The following DAGLA variants were observed in gnomAD, a reference collection of about 807,000 sequenced individuals.
The protein encoded by DAGLA is diacylglycerol lipase-alpha.
In DAGLA, 22 loss-of-function variants were observed where a neutral mutation model predicts 102.6. The ratio of observed to expected loss-of-function variants is 0.21; its 90% CI spans 0.15 to 0.31. DAGLA has a LOEUF of 0.31. Ranked by LOEUF, DAGLA falls within the 10% of genes least tolerant of loss-of-function variation. The pLI is 1.00. For missense variants in DAGLA, 927 were observed against 1,446.6 expected, an observed-to-expected ratio of 0.64 and a Z score of 5.83; for synonymous variants, 578 against 628.9, an observed-to-expected ratio of 0.92 and a Z score of 1.21.
Position 61,716,024 on chromosome 11 carries a change from G to A in DAGLA, c.-44-4088G>A, listed in dbSNP as rs140251114. Reference sequence around the variant, plus strand: ...GCCTGACAGTCAGGAAGGGAGGGACGTTTCCCCAGAAGGGAAGGGTGTGAG... The same window carrying A: ...GCCTGACAGTCAGGAAGGGAGGGACATTTCCCCAGAAGGGAAGGGTGTGAG... On this transcript the variant is annotated intron_variant, in intron 1 of 19. Coordinates refer to ENST00000257215, the MANE Select transcript of DAGLA (RefSeq NM_006133.3). Among the ~76,000 whole-genome samples, 15 of 152,312 alleles carry A rather than the reference G, an allele frequency of 9.8e-5. No homozygotes were observed. The East Asian group carries it at 2.9e-3, about 29-fold the overall frequency.
rs1399521182 is a variant in DAGLA at position 61,684,485 on chromosome 11, T to C, written c.-45+3981T>C. On this transcript the variant is annotated intron_variant, in intron 1 of 19. Transcript: ENST00000257215. The surrounding 1 kb of genome is among the most constrained non-coding windows in gnomAD (Gnocchi z 4.5). ...GCGTGAGTGTGGGTGTGGACGTGGGTTGTGTGTGTGGGCAGGAAAGACCCA... is the reference window on the plus strand; with the variant it reads ...GCGTGAGTGTGGGTGTGGACGTGGGCTGTGTGTGTGGGCAGGAAAGACCCA... Among the ~76,000 whole-genome samples the C allele has an allele frequency of 6.6e-6, 1 of 151,640 alleles. No individual in the cohort carries two copies. Among genetic ancestry groups the C allele is most frequent in the Non-Finnish European group, 1.5e-5 (1 of 67,924 alleles).
Position 61,741,197 on chromosome 11 carries a change from G to A in DAGLA, c.2019G>A (p.Leu673=). 1.9e-6 allele frequency: 3 copies of A among 1,613,532 alleles called. No individual in the cohort carries two copies. The highest frequency in any genetic ancestry group is 2.5e-6 in the Non-Finnish European group (3 of 1,180,004). ...ACTACAACAAGGGGAAGACCGCTCT[G>A]CTCTCTGCAGCCAAGGTCATGGTGA... ...LENYNKGKTA[L]LSAAKVMVSP... Residue 673 remains leucine (L), a synonymous_variant, in exon 19 of 20, where the codon CTG becomes CTA. Transcript: ENST00000257215.
At chr11:61,689,100 C>A (rs568594718) in intron 1 of DAGLA, among the ~76,000 whole-genome samples, 1 of 152,382 alleles carries the variant, frequency 6.6e-6, no homozygotes, top group South Asian at 2.1e-4. Flanking sequence ...CTTCTGCGGG[C>A]CGGGATTACA....
intron 5 of DAGLA, among the ~76,000 whole-genome samples, chr11:61,724,693 G>T (rs2065310070): frequency 6.6e-6 from 1 of 152,200 alleles, no homozygotes; most frequent in Non-Finnish European, 1.5e-5. Context: ...AGCCCAAAAT[G>T]TCAGGTCTGG....
rs761898720 is a variant in DAGLA, at chr11:61,726,100, G to A, written c.636+18G>A. ...CCCAGTCAGTAAGTACTGGGAGGTC[G>A]CTCCCCTCTGGCTCACATCCTGTGG... On this transcript the variant is annotated intron_variant, in intron 6 of 19. Transcript: ENST00000257215. 1.4e-5 allele frequency: 22 copies of A among 1,603,518 alleles called. No homozygotes were observed. The highest frequency in any genetic ancestry group is 1.7e-5 in the Admixed American group (1 of 60,018).
At chr11:61,720,382 G>A in intron 2 of DAGLA, 132 bp downstream of exon 2, 1 of 895,626 alleles carries the variant, frequency 1.1e-6, no homozygotes. Context: ...GCCCGGAGGA[G>A]GTGCCTGAAA....
intron 1 of DAGLA, among the ~76,000 whole-genome samples, chr11:61,697,385 T>G (rs1365459369): frequency 6.6e-6 from 1 of 152,136 alleles, no homozygotes; most frequent in Non-Finnish European, 1.5e-5. Context: ...CAGCATTACC[T>G]CAGTCCTCGG....
chr11:61,695,508 G>A (rs2065058022), intron 1 of DAGLA, among the ~76,000 whole-genome samples: 1 of 152,126 alleles, frequency 6.6e-6, no homozygotes, highest in Non-Finnish European at 1.5e-5. Context: ...CTTCTTGTCT[G>A]GGAGCTTTCA....
At chr11:61,728,071 C>G in intron 6 of DAGLA, 82 bp from the exon 7 acceptor site, 1 of 1,534,162 alleles carries the variant, frequency 6.5e-7, no homozygotes. Flanking sequence ...TGCAGCCTCC[C>G]AGCCCTGGGG....
chr11:61,746,520 C>G lies in DAGLA; in HGVS notation c.*2031C>G, dbSNP rs1461415017. ...GACCCCCCACCCCCAAGGCTGCAGCCACACCATGTTTCAGGCTTGGGGCTG... is the reference window on the plus strand; with the variant it reads ...GACCCCCCACCCCCAAGGCTGCAGCGACACCATGTTTCAGGCTTGGGGCTG... On this transcript the variant is annotated 3_prime_UTR_variant, in exon 20 of 20. Transcript: ENST00000257215. 1 of 152,610 alleles carries G rather than the reference C, an allele frequency of 6.6e-6. No homozygotes were observed. The highest frequency in any genetic ancestry group is 1.9e-4 in the East Asian group (1 of 5,288). The allele number at this position is 152,610 out of a possible 1,614,324, so 9.5% of individuals were successfully genotyped here.
chr11:61,731,431 C>G lies in DAGLA; in HGVS notation c.964C>G (p.Arg322Gly), dbSNP rs747581853. 2 of 1,613,510 alleles carry G rather than the reference C, an allele frequency of 1.2e-6. No individual in the cohort carries two copies. Among genetic ancestry groups the G allele is most frequent in the Non-Finnish European group, 1.7e-6 (2 of 1,179,998 alleles). ...KPACGLCQLA[R>G]SCSCCLCPAR... ...CGCCTGCGGCCTCTGCCAACTGGCT[C>G]GGTCCTGCTCGTGAGTACCCCTGTC... Residue 322 changes from arginine (R) to glycine (G), a missense_variant, in exon 9 of 20, where the codon CGG (arginine) becomes GGG (glycine). Physicochemically the swap from Arg to Gly is moderately radical, Grantham distance 125. Coordinates refer to ENST00000257215, the MANE Select transcript of DAGLA (RefSeq NM_006133.3).
At chr11:61,722,021 C>A (rs919414582) in intron 3 of DAGLA, among the ~76,000 whole-genome samples, 4 of 152,262 alleles carry the variant, frequency 2.6e-5, no homozygotes, top group African/African-American at 9.6e-5. Context: ...CCATACCCCT[C>A]CCCTCCAGTC....
intron 1 of DAGLA, among the ~76,000 whole-genome samples, chr11:61,685,441 A>AGAAT (rs1209411038): frequency 6.6e-6 from 1 of 152,212 alleles, no homozygotes; most frequent in Non-Finnish European, 1.5e-5. Flanking sequence ...TGGGATAGAC[A>AGAAT]GAATCTTGCA....
intron 1 of DAGLA, among the ~76,000 whole-genome samples, chr11:61,697,086 G>T (rs1451400505): frequency 6.6e-6 from 1 of 152,192 alleles, no homozygotes; most frequent in African/African-American, 2.4e-5. Flanking sequence ...TTCGGTCTTG[G>T]CAGGCAGACT....
chr11:61,720,934 C>A, intron 3 of DAGLA, 44 bp downstream of exon 3: 1 of 1,562,004 alleles, frequency 6.4e-7, no homozygotes, highest in Non-Finnish European at 8.8e-7. Flanking sequence ...ACAACTCCCA[C>A]CTCTCCATTC....
intron 6 of DAGLA, among the ~76,000 whole-genome samples, chr11:61,726,839 C>T (rs1392789332): frequency 1.3e-5 from 2 of 152,228 alleles, no homozygotes; most frequent in African/African-American, 2.4e-5. Context: ...TGCCCACCAG[C>T]GTCCCCTGGT....
At chr11:61,697,635 C>T (rs772448080) in intron 1 of DAGLA, among the ~76,000 whole-genome samples, 12 of 152,130 alleles carry the variant, frequency 7.9e-5, no homozygotes, top group Non-Finnish European at 1.8e-4. Context: ...CTCAGTGGCT[C>T]AGAGGTTCCT....
intron 1 of DAGLA, among the ~76,000 whole-genome samples, chr11:61,690,935 C>A (rs557195782): frequency 2.0e-5 from 3 of 152,346 alleles, no homozygotes; most frequent in African/African-American, 7.2e-5. Flanking sequence ...CCGACCTTCA[C>A]CGACCCTGTA....
At chr11:61,694,067 G>T (rs1162352838) in intron 1 of DAGLA, among the ~76,000 whole-genome samples, 3 of 152,254 alleles carry the variant, frequency 2.0e-5, no homozygotes, top group African/African-American at 7.2e-5. Context: ...CTGCATGAAT[G>T]AGGCTGGGAA....
Sources: allele counts gnomAD v4.1 joint callset (sites outside exome capture counted in the v4.1 genomes callset), GRCh38; gene constraint gnomAD v4.1.1; non-coding constraint Gnocchi (gnomAD v3.1); transcripts MANE v1.5; gene names NCBI Gene and HGNC (gene_info 2026-07-23, HGNC 2026-07-21).